Variants in SLC24A3 observed in about 807,000 individuals in gnomAD.
The protein encoded by SLC24A3 is solute carrier family 24 member 3, also known as sodium/potassium/calcium exchanger 3.
In SLC24A3, 28 loss-of-function variants were observed where a neutral mutation model predicts 75.8. The ratio of observed to expected loss-of-function variants is 0.37; its 90% CI spans 0.27 to 0.51. The LOEUF is 0.51. Among genes scored for constraint, SLC24A3 ranks in the 20% least tolerant of loss-of-function variants. The pLI is 0.94. For missense variants in SLC24A3, 663 were observed against 847.8 expected (o/e 0.78, Z 2.71); for synonymous variants, 372 against 334.1 (o/e 1.11, Z -1.24).
chr20:19,550,279 G>A (rs2030669163), intron 3 of SLC24A3, among the ~76,000 whole-genome samples: 1 of 151,816 alleles, frequency 6.6e-6, no homozygotes, highest in Non-Finnish European at 1.5e-5. Context: ...CTCTTTAAAA[G>A]GCAACAGATT....
intron 2 of SLC24A3, among the ~76,000 whole-genome samples, chr20:19,424,742 CA>C (rs1568614237): frequency 4.2e-4 from 2 of 4,788 alleles, no homozygotes; most frequent in Non-Finnish European, 9.8e-4. Flanking sequence ...AAAAAAACAA[CA>C]ACAAAAAAAA....
intron 2 of SLC24A3, among the ~76,000 whole-genome samples, chr20:19,289,620 C>G (rs1356103830): frequency 4.6e-5 from 7 of 152,192 alleles, no homozygotes; most frequent in Admixed American, 4.6e-4. Flanking sequence ...CAACACACCT[C>G]TCGGCTGCAC....
chr20:19,300,604 A>G (rs1181565515), intron 2 of SLC24A3, among the ~76,000 whole-genome samples: 1 of 152,150 alleles, frequency 6.6e-6, no homozygotes, highest in African/African-American at 2.4e-5. Flanking sequence ...ACATATGCTC[A>G]TTGTCACACG....
chr20:19,331,687 G>A (rs1436006755), intron 2 of SLC24A3, among the ~76,000 whole-genome samples: 1 of 152,152 alleles, frequency 6.6e-6, no homozygotes, highest in Non-Finnish European at 1.5e-5. Context: ...AGGATTGATT[G>A]GGCATTGGTC....
rs77985367 is a variant in SLC24A3, at chr20:19,281,132, G to T, written c.271+45G>T. On this transcript the variant is annotated intron_variant, in intron 2 of 16. Coordinates refer to ENST00000328041, the MANE Select transcript of SLC24A3 (RefSeq NM_020689.4). Reference sequence around the variant, plus strand: ...ATGGGCAGCAGCTGTCATTTTCTCTGGCTATGGCTGAGGAAGAGCCAGCTG... The same window carrying T: ...ATGGGCAGCAGCTGTCATTTTCTCTTGCTATGGCTGAGGAAGAGCCAGCTG... 3,298 of 1,604,160 alleles carry T rather than the reference G, an allele frequency of 2.1e-3. 43 individuals carry two copies. The African/African-American group carries it at 0.033, about 16-fold the overall frequency.
intron 1 of SLC24A3, among the ~76,000 whole-genome samples, chr20:19,246,339 C>T (rs1007272184): frequency 6.6e-6 from 1 of 151,912 alleles, no homozygotes; most frequent in Non-Finnish European, 1.5e-5. Context: ...AAATAGAAAA[C>T]AGCTATTATC....
At chr20:19,293,083 A>T (rs561801524) in intron 2 of SLC24A3, among the ~76,000 whole-genome samples, 1 of 152,296 alleles carries the variant, frequency 6.6e-6, no homozygotes, top group South Asian at 2.1e-4. Flanking sequence ...CATGAAGACC[A>T]TAGCACCCTT....
chr20:19,374,234 TCAC>T (rs1986040977), intron 2 of SLC24A3, among the ~76,000 whole-genome samples: 2 of 152,248 alleles, frequency 1.3e-5, no homozygotes, highest in African/African-American at 4.8e-5. Flanking sequence ...AACTCAAATA[TCAC>T]CACCATCTCA....
intron 6 of SLC24A3, among the ~76,000 whole-genome samples, chr20:19,619,346 A>G (rs1024851302): frequency 6.6e-6 from 1 of 152,138 alleles, no homozygotes; most frequent in African/African-American, 2.4e-5. Flanking sequence ...ACATGGAGAG[A>G]GATGCTCAGG....
intron 2 of SLC24A3, among the ~76,000 whole-genome samples, chr20:19,322,391 CT>C (rs1156803917): frequency 7.7e-4 from 114 of 147,956 alleles, no homozygotes; most frequent in Non-Finnish European, 7.4e-5. Context: ...TCCTTCCTTC[CT>C]TCCTTCCTTC....
chr20:19,303,409 C>T (rs1397351189), intron 2 of SLC24A3, among the ~76,000 whole-genome samples: 5 of 152,114 alleles, frequency 3.3e-5, no homozygotes, highest in Admixed American at 1.3e-4. Flanking sequence ...ACCAGTCTAC[C>T]GTTGATGGGC....
intron 15 of SLC24A3, among the ~76,000 whole-genome samples, chr20:19,708,369 G>T (rs1004865287): frequency 6.6e-6 from 1 of 152,188 alleles, no homozygotes; most frequent in African/African-American, 2.4e-5. Context: ...ATGAATCAAT[G>T]AACCCATCAG....
At chr20:19,472,363 G>A (rs1192003898) in intron 2 of SLC24A3, among the ~76,000 whole-genome samples, 1 of 152,252 alleles carries the variant, frequency 6.6e-6, no homozygotes, top group Non-Finnish European at 1.5e-5. Flanking sequence ...TTTAGTCTAT[G>A]TAATGGCCTT....
chr20:19,631,842 A>T (rs1263103895), intron 6 of SLC24A3, among the ~76,000 whole-genome samples: 3 of 147,720 alleles, frequency 2.0e-5, no homozygotes, highest in Non-Finnish European at 4.5e-5. Context: ...ACAATTTTTT[A>T]AAAGTTTTTC....
chr20:19,519,154 G>A (rs569921642), intron 3 of SLC24A3, among the ~76,000 whole-genome samples: 1 of 152,154 alleles, frequency 6.6e-6, no homozygotes, highest in Non-Finnish European at 1.5e-5. Flanking sequence ...ATCACACTTA[G>A]CATTGGCACC....
At chr20:19,558,883 T>G (rs907043893) in intron 3 of SLC24A3, among the ~76,000 whole-genome samples, 1 of 152,214 alleles carries the variant, frequency 6.6e-6, no homozygotes. Context: ...ATCCATTCAC[T>G]AATTGATAAA....
At chr20:19,506,668 T>G (rs1193391760) in intron 2 of SLC24A3, among the ~76,000 whole-genome samples, 1 of 152,180 alleles carries the variant, frequency 6.6e-6, no homozygotes, top group East Asian at 1.9e-4. Context: ...TGATAAAGGT[T>G]ATTTCCATTC....
chr20:19,329,198 A>G (rs541264055), intron 2 of SLC24A3, among the ~76,000 whole-genome samples: 1 of 152,204 alleles, frequency 6.6e-6, no homozygotes, highest in Non-Finnish European at 1.5e-5. Flanking sequence ...GTGAAGTAGT[A>G]TAGTAGTTCA....
At chr20:19,388,756 G>A (rs940743462) in intron 2 of SLC24A3, among the ~76,000 whole-genome samples, 9 of 152,066 alleles carry the variant, frequency 5.9e-5, no homozygotes, top group Non-Finnish European at 1.2e-4. Flanking sequence ...TTCACTTTCA[G>A]CCTATGCGTG....
Sources: gnomAD v4.1 joint callset for allele counts (sites outside exome capture counted in the v4.1 genomes callset) on GRCh38, gnomAD v4.1.1 for gene constraint, MANE v1.5 for transcripts, NCBI Gene and HGNC (gene_info 2026-07-23, HGNC 2026-07-21) for gene names.